Variants in ITGA9 observed in about 807,000 individuals in gnomAD.
ITGA9 encodes the protein integrin subunit alpha 9, also known as integrin alpha-9.
In ITGA9, 56 loss-of-function variants were observed where a neutral mutation model predicts 127.8. That is an observed-to-expected ratio of 0.44 (90% CI 0.35 to 0.55). The LOEUF (loss-of-function observed/expected upper bound fraction) is 0.55. Among genes scored for constraint, ITGA9 ranks in the 20% least tolerant of loss-of-function variants. The pLI is 0.00. For missense variants in ITGA9, 1,196 were observed against 1,347.1 expected, an observed-to-expected ratio of 0.89 and a Z score of 1.76; for synonymous variants, 508 against 514.5, an observed-to-expected ratio of 0.99 and a Z score of 0.17.
At chr3:37,664,119 C>T (rs191976526) in intron 17 of ITGA9, among the ~76,000 whole-genome samples, 137 of 152,264 alleles carry the variant, frequency 9.0e-4, no homozygotes, top group Middle Eastern at 3.4e-3. Context: ...GATTCTACAT[C>T]GCGCTCTCCT....
intron 12 of ITGA9, among the ~76,000 whole-genome samples, chr3:37,524,515 C>G (rs1248070486): frequency 6.6e-6 from 1 of 152,162 alleles, no homozygotes; most frequent in Non-Finnish European, 1.5e-5. Flanking sequence ...AGTGTTGAAG[C>G]TTTTGTCCCA....
At chr3:37,481,760 C>A (rs1437930668) in intron 4 of ITGA9, among the ~76,000 whole-genome samples, 153 bp downstream of exon 4, 1 of 152,178 alleles carries the variant, frequency 6.6e-6, no homozygotes, top group African/African-American at 2.4e-5. Flanking sequence ...TCTCTTGGTC[C>A]CCAAGGCCCT....
intron 17 of ITGA9, among the ~76,000 whole-genome samples, chr3:37,674,406 A>G (rs986726956): frequency 6.6e-6 from 1 of 152,184 alleles, no homozygotes; most frequent in Admixed American, 6.5e-5. Context: ...CTAGGTGGGG[A>G]AGCTGAGAGC....
At chr3:37,810,033 C>T (rs527950861) in intron 27 of ITGA9, among the ~76,000 whole-genome samples, 1 of 152,350 alleles carries the variant, frequency 6.6e-6, no homozygotes, top group South Asian at 2.1e-4. Context: ...TTGCCCACTT[C>T]ACTGAGGGCC....
At chr3:37,503,564 A>T (rs1181187798) in intron 6 of ITGA9, among the ~76,000 whole-genome samples, 2 of 152,216 alleles carry the variant, frequency 1.3e-5, no homozygotes, top group African/African-American at 2.4e-5. Flanking sequence ...CCAGGGAAAT[A>T]AACATTTTAT....
chr3:37,752,165 C>T (rs937753992), intron 23 of ITGA9, among the ~76,000 whole-genome samples: 2 of 152,220 alleles, frequency 1.3e-5, no homozygotes, highest in African/African-American at 4.8e-5. Context: ...GGCTCCGCCC[C>T]TCCCTTGCTC....
At chr3:37,682,332 A>G (rs1045721989) in intron 17 of ITGA9, among the ~76,000 whole-genome samples, 1 of 152,310 alleles carries the variant, frequency 6.6e-6, no homozygotes, top group East Asian at 1.9e-4. Context: ...GCTGATTCCA[A>G]TGGCCAGTTC....
chr3:37,483,642 G>C (rs1171240072), intron 4 of ITGA9, among the ~76,000 whole-genome samples: 1 of 152,210 alleles, frequency 6.6e-6, no homozygotes, highest in Admixed American at 6.5e-5. Flanking sequence ...CTGAGGGGAA[G>C]GGGCTTCCTC....
chr3:37,647,316 AC>A (rs1700386428), intron 16 of ITGA9, among the ~76,000 whole-genome samples: 1 of 152,134 alleles, frequency 6.6e-6, no homozygotes, highest in Non-Finnish European at 1.5e-5. Flanking sequence ...GCTTAAAATA[AC>A]ATTTATTTTG....
intron 15 of ITGA9, among the ~76,000 whole-genome samples, chr3:37,602,463 A>T (rs1391603377): frequency 6.6e-6 from 1 of 152,110 alleles, no homozygotes; most frequent in Admixed American, 6.6e-5. Context: ...CAGGCAGCAA[A>T]CTCTAGGGAC....
At chr3:37,710,473 G>T (rs1479414010) in intron 18 of ITGA9, among the ~76,000 whole-genome samples, 2 of 152,186 alleles carry the variant, frequency 1.3e-5, no homozygotes, top group Non-Finnish European at 2.9e-5. Flanking sequence ...CGTGGTTTGT[G>T]TGGGAGGATG....
rs139586026 is a variant in ITGA9, at chr3:37,741,773, G to A, written c.2278G>A (p.Val760Met). The A allele has an allele frequency of 3.2e-5, 52 of 1,613,726 alleles. No individual in the cohort carries two copies. Among genetic ancestry groups the A allele is most frequent in the Non-Finnish European group, 4.1e-5 (48 of 1,179,904 alleles). The part of the protein sequence containing the change: ...RSESLHDNTL[V>M]LMVPLMHEVD... ...TGAATCCCTGCATGACAACACCCTC[G>A]TGCTGATGGTGCCACTGATGCACGA... The change falls in exon 21 of 28, where the codon GTG becomes ATG. Residue 760 changes from valine to methionine, a missense_variant. By Grantham distance (21) the Val-to-Met change is conservative (BLOSUM62 1). Coordinates refer to ENST00000264741, the MANE Select transcript of ITGA9 (RefSeq NM_002207.3).
intron 15 of ITGA9, among the ~76,000 whole-genome samples, chr3:37,619,444 A>G (rs1465410205): frequency 1.3e-5 from 2 of 152,194 alleles, no homozygotes; most frequent in African/African-American, 4.8e-5. Context: ...AGAGAAAAAA[A>G]TGTTGAGTAA....
intron 18 of ITGA9, among the ~76,000 whole-genome samples, chr3:37,726,809 G>A (rs1696212300): frequency 1.3e-5 from 2 of 152,282 alleles, no homozygotes; most frequent in African/African-American, 4.8e-5. Context: ...CTGAGAATAC[G>A]GAAATGAGTA....
intron 16 of ITGA9, among the ~76,000 whole-genome samples, chr3:37,649,089 A>G (rs1403283109): frequency 2.0e-5 from 3 of 151,384 alleles, no homozygotes; most frequent in African/African-American, 7.3e-5. Flanking sequence ...ATATATAAAA[A>G]AAGAAAGGAA....
chr3:37,733,190 C>T (rs546517120), intron 19 of ITGA9, among the ~76,000 whole-genome samples: 2 of 152,278 alleles, frequency 1.3e-5, no homozygotes, highest in East Asian at 3.9e-4. Flanking sequence ...TCCTGTCATT[C>T]CCTTGGGTGC....
rs1158488743 is a variant in ITGA9, at chr3:37,524,923, T to C, written c.1328-1103T>C. ...CTTTTATTTTTAAACATATAGCAAA[T>C]TTAAAGACTATTGAAGAACAAAATT... On this transcript the variant is annotated intron_variant, in intron 12 of 27. Transcript: ENST00000264741. Among the ~76,000 whole-genome samples, 3 of 152,216 alleles carry C rather than the reference T, an allele frequency of 2.0e-5. No homozygotes were observed. In the East Asian group the frequency reaches 5.8e-4, roughly 29 times the overall value.
chr3:37,694,795 G>A (rs1321445621), intron 18 of ITGA9, among the ~76,000 whole-genome samples: 2 of 152,134 alleles, frequency 1.3e-5, no homozygotes, highest in Non-Finnish European at 2.9e-5. Flanking sequence ...TCTTCCTAAA[G>A]CAGCACAGCA....
chr3:37,808,712 T>A (rs904705404), intron 27 of ITGA9: 2 of 152,228 alleles, frequency 1.3e-5, no homozygotes, highest in Non-Finnish European at 2.9e-5. Context: ...ACCTGGTGGC[T>A]AAGCTGGTCT....
Sources: gnomAD v4.1 joint callset for allele counts (sites outside exome capture counted in the v4.1 genomes callset) on GRCh38, gnomAD v4.1.1 for gene constraint, MANE v1.5 for transcripts, NCBI Gene and HGNC (gene_info 2026-07-23, HGNC 2026-07-21) for gene names.